Variants in PLCB2 observed in about 807,000 individuals in gnomAD.
The protein encoded by PLCB2 is 1-phosphatidylinositol 4,5-bisphosphate phosphodiesterase beta-2.
A neutral mutation model predicts 141.7 loss-of-function variants in PLCB2; 115 were observed. The ratio of observed to expected loss-of-function variants is 0.81; its 90% CI spans 0.70 to 0.95. PLCB2 has a LOEUF of 0.95. PLCB2 is among the 40% of genes least tolerant of loss of function. The pLI is 0.00. For missense variants in PLCB2, 1,403 were observed against 1,541.1 expected, an observed-to-expected ratio of 0.91 and a Z score of 1.50; for synonymous variants, 603 against 595.6, an observed-to-expected ratio of 1.01 and a Z score of -0.18.
rs746627380 is a variant in PLCB2 at position 40,291,873 on chromosome 15, C to T, written c.2578G>A (p.Ala860Thr). The T allele has an allele frequency of 6.2e-7, 1 of 1,614,182 alleles. No homozygotes were observed. The highest frequency in any genetic ancestry group is 1.1e-5 in the South Asian group (1 of 91,088). Residue 860 changes from alanine to threonine, a missense_variant, in exon 24 of 32, where the codon GCC (alanine) becomes ACC (threonine). Ala to Thr is a moderately conservative substitution (Grantham distance 58). Coordinates refer to ENST00000260402, the MANE Select transcript of PLCB2 (RefSeq NM_004573.3). ...PVASQVNGAL[A>T]PTSNGSPAAR... ...CCTGGTGACCCATTGCTCGTTGGGG[C>T]CAACGCCCCATTGACCTGGCTGGCA...
chr15:40,296,271 C>T, intron 16 of PLCB2, 25 bp downstream of exon 16: 7 of 1,570,414 alleles, frequency 4.5e-6, no homozygotes, highest in South Asian at 1.1e-5. Context: ...TCTTACCCAC[C>T]CGTAAGTTAC....
In PLCB2 at chr15:40,298,972, C is replaced by A; in HGVS notation, c.684-8G>T. 6.2e-7 allele frequency: 1 copy of A among 1,601,568 alleles called. No homozygotes were observed. The highest frequency in any genetic ancestry group is 8.5e-7 in the Non-Finnish European group (1 of 1,177,528). On this transcript the variant is annotated splice_polypyrimidine_tract_variant and splice_region_variant and intron_variant, in intron 8 of 31. Transcript: ENST00000260402. ...GGTTTGGCCTTAGCATGGCTTCAAG[C>A]CAGAGAGAAGAGCACAGGTCCATAT...
At chr15:40,294,129 C>T (rs552789274) in intron 19 of PLCB2, 137 bp downstream of exon 19, 4 of 831,628 alleles carry the variant, frequency 4.8e-6, no homozygotes, top group Non-Finnish European at 7.6e-6. Context: ...AGGCAACTTG[C>T]TACTGCAGGA....
downstream of PLCB2, chr15:40,286,127 A>G (rs188881622): frequency 2.6e-6 from 2 of 774,560 alleles, no homozygotes; most frequent in East Asian, 2.6e-4. Context: ...TTTGCTGCAG[A>G]GCACAGAGGC....
At chr15:40,301,367 C>T in intron 7 of PLCB2, 1 of 597,286 alleles carries the variant, frequency 1.7e-6, no homozygotes, top group Non-Finnish European at 3.0e-6. Flanking sequence ...CCATATCAGC[C>T]CAGAGGGCTC....
Position 40,290,776 on chromosome 15 carries a change from T to C in PLCB2, c.3098A>G (p.Lys1033Arg), listed in dbSNP as rs756361307. 6.2e-7 allele frequency: 1 copy of C among 1,613,884 alleles called. No individual in the cohort carries two copies. The highest frequency in any genetic ancestry group is 8.5e-7 in the Non-Finnish European group (1 of 1,179,944). ...GCAGTCGTACTTCTCCGACGTCTCC[T>C]TCAGGGCCTTCAGCTCTGCCGCCTG... The part of the protein sequence containing the change: ...EKQAAELKAL[K>R]ETSENDTKEM... Residue 1033 changes from lysine (K) to arginine (R), a missense_variant, in exon 28 of 32, where the codon AAG becomes AGG. Lys to Arg is a conservative substitution (Grantham distance 26, BLOSUM62 2). This residue lies in a region of PLCB2 where 290 missense variants were observed against 245.9 expected (regional missense o/e 1.18). Coordinates refer to ENST00000260402, the MANE Select transcript of PLCB2 (RefSeq NM_004573.3).
At position 40,296,730 on chromosome 15, in the gene PLCB2, G is replaced by C; in HGVS notation, c.1486+16C>G. The C allele has an allele frequency of 6.2e-7, 1 of 1,610,726 alleles. No individual in the cohort carries two copies. The highest frequency in any genetic ancestry group is 8.5e-7 in the Non-Finnish European group (1 of 1,177,868). ...GATGCTCCTAATACCCCCCACCATA[G>C]TCCTCCCCGACTCACCTGTGCCCTC... On this transcript the variant is annotated intron_variant, in intron 14 of 31. Transcript: ENST00000260402.
Position 40,289,955 on chromosome 15 carries a change from GA to G in PLCB2, c.3267+69del, listed in dbSNP as rs1175360620. The G allele has an allele frequency of 1.1e-3, 870 of 772,966 alleles. 11 individuals are homozygous for G. The highest frequency in any genetic ancestry group is 3.5e-3 in the Middle Eastern group (14 of 4,052). 47.9% of individuals were successfully genotyped at this position (772,966 alleles called of 1,614,324 possible). A position where few individuals can be genotyped will look rare whatever the true frequency, so the allele number is the denominator to read the frequency against. ...AGAGAGAGAGAGAGAGAGAGAGAGA[GA>G]GAGAGAGAGAGAGTGTGTGTGTGTG... On this transcript the variant is annotated intron_variant, in intron 30 of 31. Transcript: ENST00000260402.
Position 40,291,508 on chromosome 15 carries a change from C to T in PLCB2, c.2648-21G>A, listed in dbSNP as rs779068144. 1.4e-5 allele frequency: 23 copies of T among 1,594,792 alleles called. No homozygotes were observed. In the East Asian group the frequency reaches 5.0e-4, roughly 34 times the overall value. On this transcript the variant is annotated intron_variant, in intron 25 of 31. Transcript: ENST00000260402. Reference sequence around the variant, plus strand: ...CGGCTCTGCGGAGGCCCGGGTGAGGCGCAACACCGGCCAGGCCGTCCTGCC... The same window carrying T: ...CGGCTCTGCGGAGGCCCGGGTGAGGTGCAACACCGGCCAGGCCGTCCTGCC...
intron 23 of PLCB2, 46 bp downstream of exon 23, chr15:40,292,018 G>A: frequency 6.2e-7 from 1 of 1,606,530 alleles, no homozygotes; most frequent in Non-Finnish European, 8.5e-7. Context: ...CCATAAATAG[G>A]GCTAATCTCT....
At chr15:40,307,239 G>A (rs909755811) in intron 1 of PLCB2, among the ~76,000 whole-genome samples, 4 of 152,130 alleles carry the variant, frequency 2.6e-5, no homozygotes, top group African/African-American at 7.2e-5. Context: ...GAGCGGGGAC[G>A]AGCTCACCTC....
At position 40,302,338 on chromosome 15, in the gene PLCB2, C is replaced by T. The variant is rs2040559879; in HGVS notation, c.384G>A (p.Glu128=). The stretch of plus-strand genomic sequence containing the variant: ...GATGTTTGACTAGGGCCAGTACGTC[C>T]TCAGCCCAGGCCTGCAGGACCACAG... ...YKENVGKAWA[E]DVLALVKHPL... is the part of the protein sequence containing the mutation. The change falls in exon 5 of 32, where the codon GAG becomes GAA. Residue 128 remains glutamate, a synonymous_variant. Coordinates refer to ENST00000260402, the MANE Select transcript of PLCB2 (RefSeq NM_004573.3). 2 of 1,614,100 alleles carry T rather than the reference C, an allele frequency of 1.2e-6. No homozygotes were observed. Among genetic ancestry groups the T allele is most frequent in the Non-Finnish European group, 1.7e-6 (2 of 1,180,010 alleles).
At position 40,291,971 on chromosome 15, in the gene PLCB2, C is replaced by T. The variant is rs754278172; in HGVS notation, c.2527-47G>A. ...GGAAGGTGGCTTGACAGCCCTCTCT[C>T]CCCGAGCCTGGGACTCGGCCCTCTC... On this transcript the variant is annotated intron_variant, in intron 23 of 31. Transcript: ENST00000260402. The T allele has an allele frequency of 1.9e-6, 3 of 1,608,616 alleles. No individual in the cohort carries two copies. In the Admixed American group the frequency reaches 5.0e-5, roughly 27 times the overall value.
In PLCB2 at chr15:40,302,690, C is replaced by T. The variant is rs1459048570; in HGVS notation, c.232-81G>A. On this transcript the variant is annotated intron_variant, in intron 3 of 31. Coordinates refer to ENST00000260402, the MANE Select transcript of PLCB2 (RefSeq NM_004573.3). ...TGGCTCTCTCTGGCCCTCCCCTCAG[C>T]CACTTGGGCTATGGCCCACTGGGCA... is the stretch of plus-strand genomic sequence containing the variant. The T allele has an allele frequency of 1.6e-5, 25 of 1,524,828 alleles. No individual in the cohort carries two copies. The Admixed American group carries it at 4.3e-4, about 26-fold the overall frequency. 94.5% of individuals were successfully genotyped at this position (1,524,828 alleles called of 1,614,324 possible).
At chr15:40,289,124 G>A (rs762908292) in intron 31 of PLCB2, 148 bp downstream of exon 31, 9 of 1,003,646 alleles carry the variant, frequency 9.0e-6, no homozygotes, top group Non-Finnish European at 1.3e-5. Context: ...CTGCAGAGCT[G>A]CCTCATTTGA....
At position 40,298,778 on chromosome 15, in the gene PLCB2, G is replaced by A. The variant is rs1231571059; in HGVS notation, c.850+20C>T. 1.4e-5 allele frequency: 22 copies of A among 1,610,936 alleles called. No homozygotes were observed. Among genetic ancestry groups the A allele is most frequent in the Non-Finnish European group, 1.9e-5 (22 of 1,177,612 alleles). On this transcript the variant is annotated intron_variant, in intron 9 of 31. Transcript: ENST00000260402. ...GGCAGGACAGGACCACAGGGGACAA[G>A]GGGTTCCCTTAGTCCTCACCCCTCT...
rs746014512 is a variant in PLCB2, at chr15:40,291,609, C to T, written c.2644G>A (p.Ala882Thr). The T allele has an allele frequency of 3.8e-5, 61 of 1,613,344 alleles. No homozygotes were observed. Among genetic ancestry groups the T allele is most frequent in the Non-Finnish European group, 4.8e-5 (57 of 1,179,896 alleles). ...GAREEAMKEA[A>T]EPRTASLEEL... ...CACCGGGCTCAGCAGGCCTTACCCG[C>T]AGCTTCTTTCATAGCCTCTTCCCTG... The change falls in exon 25 of 32, where the codon GCG becomes ACG. Residue 882 changes from alanine to threonine, a missense_variant. By Grantham distance (58) the Ala-to-Thr change is moderately conservative. This residue lies in a region of PLCB2 where 290 missense variants were observed against 245.9 expected (regional missense o/e 1.18). Coordinates refer to ENST00000260402, the MANE Select transcript of PLCB2 (RefSeq NM_004573.3).
downstream of PLCB2, chr15:40,284,659 G>A (rs536938361): frequency 3.5e-5 from 15 of 426,770 alleles, 1 homozygote; most frequent in South Asian, 2.5e-4. Context: ...GGCCAACATG[G>A]TGAAACCCCG....
At position 40,307,853 on chromosome 15, in the gene PLCB2, T is replaced by G. The variant is rs2040874829; in HGVS notation, c.-181A>C. The G allele has an allele frequency of 2.8e-5, 12 of 421,804 alleles. No individual in the cohort carries two copies. The East Asian group carries it at 4.3e-4, about 15-fold the overall frequency. The allele number at this position is 421,804 out of a possible 1,614,324, so 26.1% of individuals were successfully genotyped here. A position where few individuals can be genotyped will look rare whatever the true frequency, so the allele number is the denominator to read the frequency against. On this transcript the variant is annotated 5_prime_UTR_variant, in exon 1 of 32. Transcript: ENST00000260402. Reference sequence around the variant, plus strand: ...GCCCTGGCTGAGTGCAGGACTGAGCTGTAGCCAGAGGCCCATCTGCCTTGT... The same window carrying G: ...GCCCTGGCTGAGTGCAGGACTGAGCGGTAGCCAGAGGCCCATCTGCCTTGT...
Sources: allele counts gnomAD v4.1 joint callset (sites outside exome capture counted in the v4.1 genomes callset), GRCh38; gene constraint gnomAD v4.1.1; regional missense constraint gnomAD v4.1.1; transcripts MANE v1.5; gene names NCBI Gene and HGNC (gene_info 2026-07-23, HGNC 2026-07-21).